Variants in MGA observed in about 807,000 individuals in gnomAD.
MGA encodes the protein MAX dimerization protein MGA.
A neutral mutation model predicts 261.1 loss-of-function variants in MGA; 40 were observed. The ratio of observed to expected loss-of-function variants is 0.15; its 90% confidence interval spans 0.12 to 0.20. The LOEUF (loss-of-function observed/expected upper bound fraction) is 0.20, where lower values mean the gene tolerates loss of function less well. Ranked by LOEUF, MGA falls within the 10% of genes least tolerant of loss-of-function variation. The pLI is 1.00. For missense variants in MGA, 3,397 were observed against 3,630.5 expected, an observed-to-expected ratio of 0.94 and a Z score of 1.65; for synonymous variants, 1,302 against 1,290.6, an observed-to-expected ratio of 1.01 and a Z score of -0.19.
At chr15:41,708,446 C>T (rs1275683189) in intron 7 of MGA, among the ~76,000 whole-genome samples, 1 of 152,054 alleles carries the variant, frequency 6.6e-6, no homozygotes, top group African/African-American at 2.4e-5. Flanking sequence ...GCCTCCCAAA[C>T]AGCTGGGACT....
At chr15:41,742,478 A>T in intron 14 of MGA, 68 bp from the exon 15 acceptor site, 1 of 1,549,234 alleles carries the variant, frequency 6.5e-7, no homozygotes, top group Non-Finnish European at 8.7e-7. Context: ...AAATGTCGGT[A>T]AGCACAGTCA....
At chr15:41,759,335 T>A (rs1014098941) in intron 19 of MGA, among the ~76,000 whole-genome samples, 2 of 152,230 alleles carry the variant, frequency 1.3e-5, no homozygotes, top group South Asian at 4.1e-4. Context: ...GGATATAGAT[T>A]TAAGAACTAG....
At chr15:41,668,394 T>G (rs1433740031) in intron 1 of MGA, among the ~76,000 whole-genome samples, 1 of 152,162 alleles carries the variant, frequency 6.6e-6, no homozygotes, top group Non-Finnish European at 1.5e-5. Flanking sequence ...AAAATGGAAC[T>G]TTACTTATTT....
intron 5 of MGA, among the ~76,000 whole-genome samples, chr15:41,704,346 A>T (rs1394737021): frequency 6.6e-6 from 1 of 151,948 alleles, no homozygotes; most frequent in East Asian, 1.9e-4. Context: ...AAAAAAAAAA[A>T]TTCTGAATGT....
At chr15:41,725,609 G>A (rs1595878462) in intron 9 of MGA, among the ~76,000 whole-genome samples, 1 of 8,432 alleles carries the variant, frequency 1.2e-4, no homozygotes, top group African/African-American at 2.0e-4. Context: ...CGAGGCGGGC[G>A]GATCACGAGG....
chr15:41,707,574 A>G (rs1374739876), intron 5 of MGA, among the ~76,000 whole-genome samples, 154 bp from the exon 6 acceptor site: 1 of 152,000 alleles, frequency 6.6e-6, no homozygotes, highest in African/African-American at 2.4e-5. Flanking sequence ...AATCTGCTAC[A>G]GTTTGTTTTT....
chr15:41,707,896 T>C, intron 6 of MGA, 37 bp downstream of exon 6: 1 of 1,590,694 alleles, frequency 6.3e-7, no homozygotes, highest in Non-Finnish European at 8.5e-7. Context: ...AACACTATTT[T>C]TCTTGAAGTT....
intron 5 of MGA, among the ~76,000 whole-genome samples, chr15:41,704,800 T>C (rs954680669): frequency 1.3e-5 from 2 of 152,260 alleles, no homozygotes; most frequent in Admixed American, 6.5e-5. Context: ...TCAGTGGTTT[T>C]AGCTAGCAGT....
At chr15:41,656,339 CT>C (rs1408855816), upstream of MGA, among the ~76,000 whole-genome samples, 1,704 of 43,518 alleles carry the variant, frequency 0.039, 57 homozygotes, top group African/African-American at 0.076. Flanking sequence ...TCTCCCTCTC[CT>C]CTCTTCTCTC....
rs760751187 is a variant in MGA at position 41,754,586 on chromosome 15, T to C, written c.7139+19T>C. Reference sequence around the variant, plus strand: ...AACAGCCGTAAGTCTTATTTCTCTTTGGATTGTTGTTTTTGTAGTTTTGTA... The same window carrying C: ...AACAGCCGTAAGTCTTATTTCTCTTCGGATTGTTGTTTTTGTAGTTTTGTA... On this transcript the variant is annotated intron_variant, in intron 18 of 23. Transcript: ENST00000219905. The C allele has an allele frequency of 6.5e-7, 1 of 1,536,368 alleles. No individual in the cohort carries two copies. Among genetic ancestry groups the C allele is most frequent in the East Asian group, 2.3e-5 (1 of 43,214 alleles).
At position 41,742,837 on chromosome 15, in the gene MGA, C is replaced by T; in HGVS notation, c.4877C>T (p.Thr1626Ile). ...ATTTCTGACGTGGAAACTAAAGAAA[C>T]TACTTATTCTTCTGGTGCCACCACT... Residue 1626 changes from threonine (T) to isoleucine (I), a missense_variant, in exon 15 of 24, where the codon ACT becomes ATT. Coordinates refer to ENST00000219905, the MANE Select transcript of MGA (RefSeq NM_001164273.2). 6.2e-7 allele frequency: 1 copy of T among 1,613,964 alleles called. No individual in the cohort carries two copies. The highest frequency in any genetic ancestry group is 8.5e-7 in the Non-Finnish European group (1 of 1,179,886).
At chr15:41,689,047 G>A (rs984965452) in intron 2 of MGA, among the ~76,000 whole-genome samples, 25 of 152,056 alleles carry the variant, frequency 1.6e-4, no homozygotes, top group African/African-American at 5.8e-4. Context: ...GCCCTGTTTG[G>A]GCTTCCACAT....
chr15:41,625,166 A>G (rs913144486), intron 1 of MGA, among the ~76,000 whole-genome samples: 10 of 152,322 alleles, frequency 6.6e-5, no homozygotes, highest in Non-Finnish European at 5.9e-5. Flanking sequence ...GAGCTGTTCT[A>G]CTAAGCATGA....
At chr15:41,740,261 G>T in intron 14 of MGA, 58 bp downstream of exon 14, 1 of 1,552,324 alleles carries the variant, frequency 6.4e-7, no homozygotes, top group South Asian at 1.2e-5. Flanking sequence ...TGGGACAGTG[G>T]GTACAGGTAT....
chr15:41,626,628 G>A (rs945705471), intron 1 of MGA, among the ~76,000 whole-genome samples: 11 of 151,980 alleles, frequency 7.2e-5, no homozygotes, highest in Admixed American at 5.9e-4. Flanking sequence ...TCTCCACATT[G>A]GTCAGGCTGG....
At chr15:41,728,173 T>G (rs1336063458) in intron 10 of MGA, among the ~76,000 whole-genome samples, 2 of 151,692 alleles carry the variant, frequency 1.3e-5, no homozygotes, top group Non-Finnish European at 2.9e-5. Flanking sequence ...CTACTAAAAA[T>G]AAGAAAAATT....
intron 3 of MGA, among the ~76,000 whole-genome samples, chr15:41,697,503 G>A (rs898433208): frequency 6.8e-6 from 1 of 147,624 alleles, no homozygotes; most frequent in Non-Finnish European, 1.5e-5. Flanking sequence ...TGCAATCTCC[G>A]TCTCCCGAGT....
chr15:41,748,541 G>A (rs2062642808), intron 15 of MGA, 96 bp from the exon 16 acceptor site: 4 of 1,378,890 alleles, frequency 2.9e-6, no homozygotes, highest in South Asian at 2.9e-5. Flanking sequence ...GAGCAACAAA[G>A]CAAGACTGTG....
At position 41,766,774 on chromosome 15, in the gene MGA, A is replaced by G; in HGVS notation, c.8692A>G (p.Ser2898Gly). The G allele has an allele frequency of 6.2e-7, 1 of 1,614,000 alleles. No individual in the cohort carries two copies. Among genetic ancestry groups the G allele is most frequent in the Non-Finnish European group, 8.5e-7 (1 of 1,179,888 alleles). Residue 2898 changes from serine to glycine, a missense_variant, in exon 24 of 24, where the codon AGT (serine) becomes GGT (glycine). Ser to Gly is a moderately conservative substitution (Grantham distance 56, BLOSUM62 0). Transcript: ENST00000219905. ...TGTTCAAGGGGAGAGTGACTCTATC[A>G]GTCCCCTCCTCTTGCACTTGGAAGA...
Sources: gnomAD v4.1 joint callset for allele counts (sites outside exome capture counted in the v4.1 genomes callset) on GRCh38, gnomAD v4.1.1 for gene constraint, MANE v1.5 for transcripts, NCBI Gene and HGNC (gene_info 2026-07-23, HGNC 2026-07-21) for gene names.